The following SH3GL3 variants were observed in gnomAD, a reference collection of about 807,000 sequenced individuals.
SH3GL3 encodes SH3 domain containing GRB2 like 3, endophilin A3.
SH3GL3 carries 33 observed loss-of-function variants against 47.7 expected under a neutral mutation model. The observed-to-expected ratio is 0.69, with a 90% CI of 0.52 to 0.92. The LOEUF (loss-of-function observed/expected upper bound fraction) is 0.92, where lower values mean the gene tolerates loss of function less well. Ranked by LOEUF, SH3GL3 falls within the 40% of genes least tolerant of loss-of-function variation. The pLI is 0.00. For synonymous variants in SH3GL3, 155 were observed against 148.8 expected (o/e 1.04, Z -0.30); for missense variants, 363 against 417.8 (o/e 0.87, Z 1.14).
intron 3 of SH3GL3, 95 bp downstream of exon 3, chr15:83,565,301 C>T (rs753669508): frequency 2.6e-5 from 20 of 774,274 alleles, no homozygotes; most frequent in South Asian, 6.0e-5. Context: ...GAAACAATGT[C>T]GTCTGTGTCC....
chr15:83,585,645 C>T (rs2059934648), intron 6 of SH3GL3, among the ~76,000 whole-genome samples: 1 of 152,094 alleles, frequency 6.6e-6, no homozygotes, highest in African/African-American at 2.4e-5. Flanking sequence ...TTTAAGAAAT[C>T]CTTAGGATTT....
rs138191427 is a variant in SH3GL3 at position 83,610,565 on chromosome 15, A to C, written c.839-7517A>C. ...AGGAAAAGGAAAAGAGAAAAGAAAGAAAAAGAAAAAGAGTGGGGATAAGAC... is the reference window on the plus strand; with the variant it reads ...AGGAAAAGGAAAAGAGAAAAGAAAGCAAAAGAAAAAGAGTGGGGATAAGAC... On this transcript the variant is annotated intron_variant, in intron 8 of 8. Transcript: ENST00000427482. Among the ~76,000 whole-genome samples, 5 of 152,246 alleles carry C rather than the reference A, an allele frequency of 3.3e-5. No homozygotes were observed. The East Asian group carries it at 9.6e-4, about 29-fold the overall frequency.
chr15:83,524,104 G>C (rs2151659084), intron 1 of SH3GL3, among the ~76,000 whole-genome samples: 1 of 152,288 alleles, frequency 6.6e-6, no homozygotes, highest in Admixed American at 6.5e-5. Context: ...GAATATGGTT[G>C]GTGTAAGAGA....
chr15:83,619,509 A>G (rs28446790), downstream of SH3GL3, among the ~76,000 whole-genome samples: 38,288 of 151,990 alleles, frequency 0.25, 4,976 homozygotes, highest in East Asian at 0.33. Context: ...GCAAATCACA[A>G]TGGCACACAT....
intron 1 of SH3GL3, among the ~76,000 whole-genome samples, chr15:83,557,638 G>T (rs2045029065): frequency 6.6e-6 from 1 of 152,226 alleles, no homozygotes; most frequent in Non-Finnish European, 1.5e-5. Context: ...GGGATGGACT[G>T]GTTGTACCTT....
chr15:83,583,975 G>A (rs1185850554), intron 6 of SH3GL3, among the ~76,000 whole-genome samples: 3 of 152,112 alleles, frequency 2.0e-5, no homozygotes, highest in African/African-American at 7.2e-5. Flanking sequence ...TTGAGGATGG[G>A]CTAAAGCAGC....
chr15:83,602,227 G>A (rs1156384080), intron 8 of SH3GL3, among the ~76,000 whole-genome samples: 2 of 152,236 alleles, frequency 1.3e-5, no homozygotes, highest in South Asian at 2.1e-4. Flanking sequence ...AGGGATGAGC[G>A]CTCAAACAGC....
chr15:83,467,593 C>T (rs2040624765), intron 1 of SH3GL3, among the ~76,000 whole-genome samples: 2 of 152,262 alleles, frequency 1.3e-5, no homozygotes, highest in East Asian at 1.9e-4. Flanking sequence ...ATAGGAATTG[C>T]GTTAAACCTG....
intron 1 of SH3GL3, among the ~76,000 whole-genome samples, chr15:83,535,225 C>A (rs892243325): frequency 2.6e-5 from 4 of 151,322 alleles, no homozygotes; most frequent in Non-Finnish European, 4.4e-5. Flanking sequence ...AGTCTTTAGA[C>A]CTATATTTAT....
chr15:83,447,846 C>T lies in SH3GL3; in HGVS notation c.45+268C>T, dbSNP rs953828320. ...TCTGCGGAGCGGAGGGCAGAGGTGG[C>T]GGCCGCGGGGACTCGGGAGGCGGAG... On this transcript the variant is annotated intron_variant, in intron 1 of 8. Coordinates refer to ENST00000427482, the MANE Select transcript of SH3GL3 (RefSeq NM_003027.5). This position sits in a 1 kb window ranked among gnomAD's most constrained non-coding sequence, Gnocchi z 5.1. Among the ~76,000 whole-genome samples, 1 of 152,076 alleles carries T rather than the reference C, an allele frequency of 6.6e-6. No homozygotes were observed. Among genetic ancestry groups the T allele is most frequent in the Non-Finnish European group, 1.5e-5 (1 of 68,002 alleles).
intron 3 of SH3GL3, 67 bp from the exon 4 acceptor site, chr15:83,568,462 T>C: frequency 7.2e-7 from 1 of 1,396,340 alleles, no homozygotes; most frequent in East Asian, 2.3e-5. Flanking sequence ...GCTGCGTTTA[T>C]TAAATTCTAT....
At chr15:83,493,701 C>A (rs1374007548) in intron 1 of SH3GL3, among the ~76,000 whole-genome samples, 3 of 152,172 alleles carry the variant, frequency 2.0e-5, no homozygotes, top group African/African-American at 7.2e-5. Context: ...CAGCAACTTT[C>A]CAATCTGTAA....
intron 1 of SH3GL3, among the ~76,000 whole-genome samples, chr15:83,533,749 T>G (rs1013655596): frequency 2.6e-5 from 4 of 152,046 alleles, no homozygotes; most frequent in Admixed American, 6.6e-5. Context: ...GAGGGGAAAG[T>G]GGGGCAGGGA....
chr15:83,549,613 G>A (rs1020994925), intron 1 of SH3GL3, among the ~76,000 whole-genome samples: 1 of 152,162 alleles, frequency 6.6e-6, no homozygotes, highest in Non-Finnish European at 1.5e-5. Context: ...TAGATATTTA[G>A]CCTTCTAGCA....
chr15:83,566,298 A>G (rs1428772011), intron 3 of SH3GL3, among the ~76,000 whole-genome samples: 1 of 152,000 alleles, frequency 6.6e-6, no homozygotes, highest in Non-Finnish European at 1.5e-5. Flanking sequence ...GCTCTCACCC[A>G]CATACCTGCT....
chr15:83,524,020 C>T (rs2043316455), intron 1 of SH3GL3, among the ~76,000 whole-genome samples: 1 of 151,016 alleles, frequency 6.6e-6, no homozygotes, highest in Non-Finnish European at 1.5e-5. Flanking sequence ...ACTGGTAATA[C>T]TATACAGATG....
At chr15:83,465,921 A>T (rs1348497248) in intron 1 of SH3GL3, among the ~76,000 whole-genome samples, 1 of 152,130 alleles carries the variant, frequency 6.6e-6, no homozygotes, top group Admixed American at 6.5e-5. Context: ...ACTATGAAAA[A>T]CTATTGTACA....
At chr15:83,480,965 T>A (rs2041322981) in intron 1 of SH3GL3, among the ~76,000 whole-genome samples, 3 of 152,084 alleles carry the variant, frequency 2.0e-5, no homozygotes, top group Non-Finnish European at 2.9e-5. Flanking sequence ...TGCCTGTTTG[T>A]TCTTTTTGGA....
At chr15:83,546,596 G>A (rs1199594719) in intron 1 of SH3GL3, among the ~76,000 whole-genome samples, 1 of 152,014 alleles carries the variant, frequency 6.6e-6, no homozygotes, top group Non-Finnish European at 1.5e-5. Context: ...CTTCAAGCAG[G>A]AGCCTTTCCC....
Sources: gnomAD v4.1 joint callset for allele counts (sites outside exome capture counted in the v4.1 genomes callset) on GRCh38, gnomAD v4.1.1 for gene constraint, Gnocchi (gnomAD v3.1) non-coding constraint, MANE v1.5 for transcripts, NCBI Gene and HGNC (gene_info 2026-07-23, HGNC 2026-07-21) for gene names.